CEP83: variants seen among roughly 807,000 people sequenced by gnomAD.
The protein encoded by CEP83 is centrosomal protein 83.
In CEP83, 70 loss-of-function variants were observed where a neutral mutation model predicts 101.9. The ratio of observed to expected loss-of-function variants is 0.69; its 90% CI spans 0.57 to 0.84. The LOEUF (loss-of-function observed/expected upper bound fraction) is 0.84. Among genes scored for constraint, CEP83 ranks in the 40% least tolerant of loss-of-function variants. The probability of loss-of-function intolerance (pLI) is 0.00; values close to 1 mark genes in which losing one functional copy is unlikely to be tolerated. For synonymous variants in CEP83, 264 were observed against 267.9 expected (o/e 0.99, Z 0.14); for missense variants, 715 against 787.2 (o/e 0.91, Z 1.10).
rs570976506 is a variant in CEP83, at chr12:94,383,637, TTTA to T, written c.550-4598_550-4596del. ...AATTCATGTATTCAGACCATTTACA[TTTA>T]TTATGATTGATACGTTAAGCCATTT... On this transcript the variant is annotated intron_variant, in intron 6 of 16. Transcript: ENST00000397809. Among the ~76,000 whole-genome samples the T allele has an allele frequency of 1.2e-3, 189 of 152,268 alleles. 2 individuals are homozygous for T. The highest frequency in any genetic ancestry group is 4.3e-3 in the African/African-American group (180 of 41,584).
At chr12:94,392,587 A>G (rs1262490710) in intron 6 of CEP83, among the ~76,000 whole-genome samples, 1 of 152,224 alleles carries the variant, frequency 6.6e-6, no homozygotes, top group African/African-American at 2.4e-5. Flanking sequence ...GAACTAGAGA[A>G]GCAAGAGCAA....
chr12:94,391,336 GA>G (rs2062519263), intron 6 of CEP83, among the ~76,000 whole-genome samples: 1 of 152,160 alleles, frequency 6.6e-6, no homozygotes, highest in African/African-American at 2.4e-5. Context: ...CATTCTTATA[GA>G]AAAGAATTTT....
the CEP83 span, among the ~76,000 whole-genome samples, chr12:94,276,773 T>A: frequency 1.3e-5 from 2 of 152,172 alleles, no homozygotes; most frequent in African/African-American, 4.8e-5. Context: ...TTCTCTCCTG[T>A]CTGGTATTTT....
At chr12:94,304,777 C>T (rs1384199682), downstream of CEP83, among the ~76,000 whole-genome samples, 5 of 152,166 alleles carry the variant, frequency 3.3e-5, no homozygotes, top group African/African-American at 1.2e-4. Flanking sequence ...GGAGGGACTA[C>T]ACTGCCCAGA....
chr12:94,437,129 A>C (rs904210979), intron 1 of CEP83, among the ~76,000 whole-genome samples: 2 of 152,012 alleles, frequency 1.3e-5, no homozygotes, highest in African/African-American at 4.8e-5. Context: ...GGATCACTCA[A>C]GGTCAGGAGT....
intron 6 of CEP83, among the ~76,000 whole-genome samples, chr12:94,399,786 T>G (rs1454934427): frequency 6.6e-6 from 1 of 152,056 alleles, no homozygotes; most frequent in African/African-American, 2.4e-5. Context: ...GTAATAGAAG[T>G]GAGATAATAT....
In CEP83 at chr12:94,367,890, T is replaced by A. The variant is rs1278859976; in HGVS notation, c.1247A>T (p.Asp416Val). Residue 416 changes from aspartate (D) to valine (V), a missense_variant, in exon 11 of 17, where the codon GAT (aspartate) becomes GTT (valine). Physicochemically the swap from Asp to Val is radical, Grantham distance 152 (BLOSUM62 -3). Transcript: ENST00000397809. ...ADLEKMKVEH[D>V]VWRQSEKDQY... is the part of the protein sequence containing the mutation. Reference sequence around the variant, plus strand: ...ATCCTTTTCAGATTGCCTCCAGACATCATGTTCCACTTTCATTTTCTCCAA... The same window carrying A: ...ATCCTTTTCAGATTGCCTCCAGACAACATGTTCCACTTTCATTTTCTCCAA... 1 of 1,613,806 alleles carries A rather than the reference T, an allele frequency of 6.2e-7. No individual in the cohort carries two copies. The highest frequency in any genetic ancestry group is 8.5e-7 in the Non-Finnish European group (1 of 1,179,788).
chr12:94,348,359 T>C (rs955414896), intron 11 of CEP83, among the ~76,000 whole-genome samples: 4 of 152,174 alleles, frequency 2.6e-5, no homozygotes, highest in Non-Finnish European at 5.9e-5. Context: ...GAACTCAATG[T>C]CAACCATTTT....
downstream of CEP83, among the ~76,000 whole-genome samples, chr12:94,304,805 A>C (rs1968834359): frequency 6.6e-6 from 1 of 152,164 alleles, no homozygotes; most frequent in Non-Finnish European, 1.5e-5. Context: ...GAAGGGAAGG[A>C]TCTGTCTCTG....
At chr12:94,424,944 G>C (rs1168845597) in intron 2 of CEP83, 1 of 1,589,560 alleles carries the variant, frequency 6.3e-7, no homozygotes, top group Non-Finnish European at 8.6e-7. Flanking sequence ...GAAATCCCGG[G>C]CCTGGAAGTC....
chr12:94,270,820 T>G, the CEP83 span, among the ~76,000 whole-genome samples: 2 of 151,942 alleles, frequency 1.3e-5, no homozygotes, highest in African/African-American at 4.8e-5. Flanking sequence ...CACCCCTTAC[T>G]CTTCTGTTAG....
intron 6 of CEP83, among the ~76,000 whole-genome samples, chr12:94,383,457 T>C (rs756767687): frequency 1.6e-4 from 25 of 152,028 alleles, no homozygotes; most frequent in African/African-American, 5.3e-4. Flanking sequence ...GTAGAAACCA[T>C]ATGTCATAAG....
At chr12:94,266,017 T>C in the CEP83 span, among the ~76,000 whole-genome samples, 8 of 152,194 alleles carry the variant, frequency 5.3e-5, no homozygotes, top group Non-Finnish European at 1.0e-4. Flanking sequence ...TGGTTTGATC[T>C]TTAGCTTTAT....
At chr12:94,455,206 C>T (rs1373757495) in intron 1 of CEP83, among the ~76,000 whole-genome samples, 1 of 152,184 alleles carries the variant, frequency 6.6e-6, no homozygotes, top group Non-Finnish European at 1.5e-5. Flanking sequence ...AAAAAATATC[C>T]TTAAGAGCAT....
downstream of CEP83, chr12:94,306,395 T>C (rs1336552341): frequency 1.3e-5 from 2 of 152,198 alleles, no homozygotes; most frequent in African/African-American, 4.8e-5. Context: ...AGAAAGAATT[T>C]AAAATACCCA....
intron 1 of CEP83, among the ~76,000 whole-genome samples, chr12:94,456,091 TC>T (rs1465137713): frequency 6.6e-6 from 1 of 150,554 alleles, no homozygotes; most frequent in Non-Finnish European, 1.5e-5. Flanking sequence ...GACTTGACAG[TC>T]AGTGATCTCT....
Position 94,424,016 on chromosome 12 carries a change from C to T in CEP83, c.-102+11259G>A, listed in dbSNP as rs368294107. The T allele has an allele frequency of 3.1e-6, 5 of 1,613,060 alleles. No homozygotes were observed. In the African/African-American group the frequency reaches 4.0e-5, roughly 13 times the overall value. On this transcript the variant is annotated intron_variant, in intron 2 of 16. Coordinates refer to ENST00000397809, the MANE Select transcript of CEP83 (RefSeq NM_016122.3). ...GTCCATCCCTGGTGTCAGAACTGAA[C>T]CTGAAGGCTGCATGAGGTATGAATG...
rs542849810 is a variant in CEP83, at chr12:94,343,558, C to T, written c.1344-7894G>A. On this transcript the variant is annotated intron_variant, in intron 11 of 16. Coordinates refer to ENST00000397809, the MANE Select transcript of CEP83 (RefSeq NM_016122.3). The stretch of plus-strand genomic sequence containing the variant: ...ACTGCGGACTGCAGTGGCGCAATCT[C>T]GGCTCACTGCAAGCTCCGCTTCCCG... Among the ~76,000 whole-genome samples, 530 of 138,522 alleles carry T rather than the reference C, an allele frequency of 3.8e-3. 3 individuals carry two copies. The highest frequency in any genetic ancestry group is 6.7e-3 in the Non-Finnish European group (441 of 65,904). The allele number at this position is 138,522 out of a possible 152,430, so 90.9% of individuals were successfully genotyped here.
At chr12:94,409,915 T>C (rs1241848812) in intron 4 of CEP83, among the ~76,000 whole-genome samples, 1 of 152,134 alleles carries the variant, frequency 6.6e-6, no homozygotes, top group Admixed American at 6.5e-5. Flanking sequence ...TATGACCTCA[T>C]CAGCTTAACT....
Sources: allele counts gnomAD v4.1 joint callset (sites outside exome capture counted in the v4.1 genomes callset), GRCh38; gene constraint gnomAD v4.1.1; transcripts MANE v1.5; gene names NCBI Gene and HGNC (gene_info 2026-07-23, HGNC 2026-07-21).